The following MLXIP variants were observed in gnomAD, a reference collection of about 807,000 sequenced individuals.
MLXIP encodes the protein MLX-interacting protein.
MLXIP carries 30 observed loss-of-function variants against 87.2 expected under a neutral mutation model. The ratio of observed to expected loss-of-function variants is 0.34; its 90% CI spans 0.26 to 0.47. The LOEUF (loss-of-function observed/expected upper bound fraction) is 0.47, where lower values mean the gene tolerates loss of function less well. Ranked by LOEUF, MLXIP falls within the 20% of genes least tolerant of loss-of-function variation. The probability of loss-of-function intolerance (pLI) is 1.00; values close to 1 mark genes in which losing one functional copy is unlikely to be tolerated. For missense variants in MLXIP, 1,002 were observed against 1,240.1 expected (o/e 0.81, Z 2.88); for synonymous variants, 530 against 514.0 (o/e 1.03, Z -0.42).
At chr12:122,130,987 A>G in intron 7 of MLXIP, 54 bp downstream of exon 7, 1 of 1,198,312 alleles carries the variant, frequency 8.3e-7, no homozygotes, top group South Asian at 1.2e-5. Flanking sequence ...CCAGCCCAGC[A>G]CAGAGCAGAT....
At chr12:122,097,856 C>G (rs905513101) in intron 1 of MLXIP, among the ~76,000 whole-genome samples, 1 of 151,788 alleles carries the variant, frequency 6.6e-6, no homozygotes, top group Admixed American at 6.6e-5. Flanking sequence ...TCCCCCTCCC[C>G]ACAAGAAACC....
chr12:122,127,178 A>G lies in MLXIP; in HGVS notation c.414-78A>G. 22 of 1,139,572 alleles carry G rather than the reference A, an allele frequency of 1.9e-5. No homozygotes were observed. In the South Asian group the frequency reaches 2.9e-4, roughly 15 times the overall value. The allele number at this position is 1,139,572 out of a possible 1,614,324, so 70.6% of individuals were successfully genotyped here. ...GATCAGTCAAGAGTTTGGTCCTGGA[A>G]TGATCGGGTGGCACTTTGTAATTTC... On this transcript the variant is annotated intron_variant, in intron 1 of 16. Transcript: ENST00000319080.
intron 12 of MLXIP, 60 bp from the exon 13 acceptor site, chr12:122,138,134 G>C: frequency 6.9e-7 from 1 of 1,443,016 alleles, no homozygotes; most frequent in Non-Finnish European, 9.4e-7. Context: ...AGGGGGTGAG[G>C]AAGGGTGGAC....
chr12:122,134,034 G>A, intron 9 of MLXIP, 47 bp downstream of exon 9: 1 of 1,528,852 alleles, frequency 6.5e-7, no homozygotes, highest in Non-Finnish European at 8.8e-7. Context: ...CCGACCCAGA[G>A]GGATGTTTTC....
At position 122,079,038 on chromosome 12, in the gene MLXIP, G is replaced by T; in HGVS notation, c.185G>T (p.Arg62Leu). ...AHASAAPPPPRAGPGREEPPR... is the reference protein window; with the variant it reads ...AHASAAPPPPLAGPGREEPPR... ...GCGAGCGCCGCGCCACCGCCGCCTCGGGCCGGGCCGGGCCGCGAGGAACCT... is the reference window on the plus strand; with the variant it reads ...GCGAGCGCCGCGCCACCGCCGCCTCTGGCCGGGCCGGGCCGCGAGGAACCT... Residue 62 changes from arginine to leucine, a missense_variant, in exon 1 of 17, where the codon CGG becomes CTG. Around this residue, in one of 3 missense-constraint regions of MLXIP, gnomAD observed 129 missense variants for 104.2 expected, o/e 1.24. Coordinates refer to ENST00000319080, the MANE Select transcript of MLXIP (RefSeq NM_014938.6). 3 of 1,397,976 alleles carry T rather than the reference G, an allele frequency of 2.1e-6. No homozygotes were observed. 86.6% of individuals were successfully genotyped at this position (1,397,976 alleles called of 1,614,324 possible). A position where few individuals can be genotyped will look rare whatever the true frequency, so the allele number is the denominator to read the frequency against.
rs1953070919 is a variant in MLXIP at position 122,135,453 on chromosome 12, G to A, written c.1855-36G>A. On this transcript the variant is annotated intron_variant, in intron 10 of 16. Coordinates refer to ENST00000319080, the MANE Select transcript of MLXIP (RefSeq NM_014938.6). The surrounding 1 kb of genome is among the most constrained non-coding windows in gnomAD (Gnocchi z 5.3). ...TGGTGTGCCGCCCTGCTGTATATCA[G>A]CAGTCAGGGGTGACCTGTCTCCCAT... The A allele has an allele frequency of 1.2e-6, 2 of 1,608,406 alleles. No individual in the cohort carries two copies. The highest frequency in any genetic ancestry group is 1.7e-6 in the Non-Finnish European group (2 of 1,177,742).
chr12:122,102,688 C>A (rs1236581175), intron 1 of MLXIP, among the ~76,000 whole-genome samples: 1 of 152,186 alleles, frequency 6.6e-6, no homozygotes, highest in Non-Finnish European at 1.5e-5. Flanking sequence ...ATGGATTAAA[C>A]AATGTGATAT....
At position 122,146,428 on chromosome 12, in the gene MLXIP, A is replaced by C. The variant is rs1953301676; in HGVS notation, c.*4616A>C. On this transcript the variant is annotated 3_prime_UTR_variant, in exon 17 of 17. Transcript: ENST00000319080. ...AGGAACGCTGACGAAGGGTTTTAGGACCCCCACCCCCATGCCTGTACCAGG... is the reference window on the plus strand; with the variant it reads ...AGGAACGCTGACGAAGGGTTTTAGGCCCCCCACCCCCATGCCTGTACCAGG... 1 of 151,744 alleles carries C rather than the reference A, an allele frequency of 6.6e-6. No individual in the cohort carries two copies. The highest frequency in any genetic ancestry group is 1.9e-4 in the East Asian group (1 of 5,142). 9.4% of individuals were successfully genotyped at this position (151,744 alleles called of 1,614,324 possible).
intron 1 of MLXIP, among the ~76,000 whole-genome samples, chr12:122,085,905 T>G (rs1952162152): frequency 6.6e-6 from 1 of 152,108 alleles, no homozygotes; most frequent in Admixed American, 6.6e-5. Context: ...CGAATTAAGG[T>G]TACAGATGGA....
chr12:122,128,974 T>C lies in MLXIP; in HGVS notation c.607-163T>C, dbSNP rs10847828. ...GTTAGCTAGAGGGTCTGCTATAGCA[T>C]GGAAGAAGTGGGACGTACTTTCTGA... On this transcript the variant is annotated intron_variant, in intron 3 of 16. Coordinates refer to ENST00000319080, the MANE Select transcript of MLXIP (RefSeq NM_014938.6). 2.6e-3 allele frequency: 1,648 copies of C among 638,336 alleles called. 47 individuals carry two copies. In the East Asian group the frequency reaches 0.042, roughly 16 times the overall value. The allele number at this position is 638,336 out of a possible 1,614,324, so 39.5% of individuals were successfully genotyped here.
chr12:122,110,139 G>GA (rs1952581679), intron 1 of MLXIP, among the ~76,000 whole-genome samples: 1 of 152,112 alleles, frequency 6.6e-6, no homozygotes, highest in East Asian at 1.9e-4. Flanking sequence ...CTCAAAAAGG[G>GA]AAAAACCTAT....
chr12:122,116,649 C>A (rs919993603), intron 1 of MLXIP, among the ~76,000 whole-genome samples: 2 of 152,184 alleles, frequency 1.3e-5, no homozygotes, highest in Non-Finnish European at 2.9e-5. Flanking sequence ...GCCTGAAAGT[C>A]CACTTATGGC....
intron 1 of MLXIP, among the ~76,000 whole-genome samples, chr12:122,092,995 T>G (rs1473285909): frequency 6.9e-6 from 1 of 145,646 alleles, no homozygotes; most frequent in Non-Finnish European, 1.5e-5. Context: ...TTGTGTGTGT[T>G]GTGTGTATGT....
intron 1 of MLXIP, among the ~76,000 whole-genome samples, chr12:122,085,601 A>C (rs1339347942): frequency 6.6e-6 from 1 of 152,050 alleles, no homozygotes. Flanking sequence ...ATGGGGTTTC[A>C]TCATGTTGGT....
At chr12:122,110,194 T>G (rs1952582521) in intron 1 of MLXIP, among the ~76,000 whole-genome samples, 1 of 152,164 alleles carries the variant, frequency 6.6e-6, no homozygotes, top group African/African-American at 2.4e-5. Context: ...GGCTCACGTC[T>G]GTAATCTTAG....
At chr12:122,110,544 C>T (rs147028783) in intron 1 of MLXIP, among the ~76,000 whole-genome samples, 1,898 of 152,072 alleles carry the variant, frequency 0.012, 23 homozygotes, top group Middle Eastern at 0.058. Flanking sequence ...GCTTCGGCCT[C>T]CTAAAGTGCT....
At position 122,135,736 on chromosome 12, in the gene MLXIP, G is replaced by A. The variant is rs552791948; in HGVS notation, c.2032+70G>A. ...TAACTGGGCCTGCCGTAGACCATGG[G>A]GGGTGCTTGCTGGGTCCCCAGGACG... On this transcript the variant is annotated intron_variant, in intron 11 of 16. Transcript: ENST00000319080. The surrounding 1 kb of genome is among the most constrained non-coding windows in gnomAD (Gnocchi z 5.3). 7 of 1,431,782 alleles carry A rather than the reference G, an allele frequency of 4.9e-6. No individual in the cohort carries two copies. The highest frequency in any genetic ancestry group is 4.3e-5 in the African/African-American group (3 of 69,424). The allele number at this position is 1,431,782 out of a possible 1,614,324, so 88.7% of individuals were successfully genotyped here.
intron 1 of MLXIP, among the ~76,000 whole-genome samples, chr12:122,091,133 G>A (rs1002210828): frequency 1.3e-5 from 2 of 152,126 alleles, no homozygotes; most frequent in African/African-American, 4.8e-5. Context: ...AGCTGTTATT[G>A]TTTAAAAAAT....
chr12:122,141,876 G>A lies in MLXIP; in HGVS notation c.*64G>A. 6.3e-7 allele frequency: 1 copy of A among 1,592,276 alleles called. No homozygotes were observed. Among genetic ancestry groups the A allele is most frequent in the Non-Finnish European group, 8.5e-7 (1 of 1,170,046 alleles). On this transcript the variant is annotated 3_prime_UTR_variant, in exon 17 of 17. Coordinates refer to ENST00000319080, the MANE Select transcript of MLXIP (RefSeq NM_014938.6). ...ACCCTTCCCTGCCCATGGAGAGTAGGCTGCGCCCCCCAGCCCTTCCTGACG... is the reference window on the plus strand; with the variant it reads ...ACCCTTCCCTGCCCATGGAGAGTAGACTGCGCCCCCCAGCCCTTCCTGACG...
Sources: gnomAD v4.1 joint callset for allele counts (sites outside exome capture counted in the v4.1 genomes callset) on GRCh38, gnomAD v4.1.1 for gene constraint, gnomAD v4.1.1 regional missense constraint, Gnocchi (gnomAD v3.1) non-coding constraint, MANE v1.5 for transcripts, NCBI Gene and HGNC (gene_info 2026-07-23, HGNC 2026-07-21) for gene names.